The following ADAM22 variants were observed in gnomAD, a reference collection of about 807,000 sequenced individuals.
ADAM22 encodes disintegrin and metalloproteinase domain-containing protein 22.
ADAM22 carries 65 observed loss-of-function variants against 144.6 expected under a neutral mutation model. That is an observed-to-expected ratio of 0.45 (90% confidence interval 0.37 to 0.55). The LOEUF (loss-of-function observed/expected upper bound fraction) is 0.55, where lower values mean the gene tolerates loss of function less well. ADAM22 is among the 20% of genes least tolerant of loss of function. The pLI is 0.00. For synonymous variants in ADAM22, 391 were observed against 412.6 expected (o/e 0.95, Z 0.63); for missense variants, 974 against 1,184.9 (o/e 0.82, Z 2.61).
chr7:88,003,024 A>G (rs897979213), intron 3 of ADAM22, among the ~76,000 whole-genome samples: 2 of 152,258 alleles, frequency 1.3e-5, no homozygotes, highest in Non-Finnish European at 1.5e-5. Context: ...TGTGAAATGA[A>G]TTCTGTTTTT....
At chr7:88,022,788 T>C (rs1266054957) in intron 3 of ADAM22, among the ~76,000 whole-genome samples, 2 of 152,202 alleles carry the variant, frequency 1.3e-5, no homozygotes, top group Admixed American at 6.5e-5. Context: ...TACTCTGTCT[T>C]CTGGCCAAAT....
intron 3 of ADAM22, among the ~76,000 whole-genome samples, chr7:88,060,334 A>G (rs1464242518): frequency 6.6e-6 from 1 of 152,236 alleles, no homozygotes; most frequent in Non-Finnish European, 1.5e-5. Flanking sequence ...ATTTACGCAT[A>G]GCAGAACTTC....
chr7:88,113,703 A>AATAT (rs58099116), intron 5 of ADAM22, among the ~76,000 whole-genome samples: 797 of 48,066 alleles, frequency 0.017, 37 homozygotes, highest in Non-Finnish European at 0.02. Flanking sequence ...TAAATAAATA[A>AATAT]ATATATATAT....
chr7:88,083,867 A>G (rs1585568647), intron 4 of ADAM22, among the ~76,000 whole-genome samples: 1 of 152,158 alleles, frequency 6.6e-6, no homozygotes, highest in South Asian at 2.1e-4. Context: ...GACAGGATTC[A>G]TCTAGATATA....
intron 3 of ADAM22, among the ~76,000 whole-genome samples, chr7:88,055,197 A>G (rs553053089): frequency 1.5e-4 from 23 of 151,902 alleles, no homozygotes; most frequent in African/African-American, 5.6e-4. Flanking sequence ...GACCTGCCCA[A>G]GTTTGGAAAA....
intron 2 of ADAM22, among the ~76,000 whole-genome samples, chr7:87,936,839 A>ATG (rs1406936290): frequency 2.0e-5 from 3 of 149,470 alleles, no homozygotes; most frequent in African/African-American, 7.4e-5. Flanking sequence ...GAATGTTTAT[A>ATG]TGTGTGTGTA....
chr7:88,160,579 C>T (rs746860166), intron 22 of ADAM22, among the ~76,000 whole-genome samples: 3 of 151,980 alleles, frequency 2.0e-5, no homozygotes, highest in Non-Finnish European at 4.4e-5. Context: ...ATCTGATCTT[C>T]GATGAAGCTG....
intron 3 of ADAM22, among the ~76,000 whole-genome samples, chr7:88,027,640 G>A (rs1799303536): frequency 6.6e-6 from 1 of 151,526 alleles, no homozygotes. Context: ...TATCTTTTCA[G>A]AAAAAAACAC....
chr7:88,154,101 C>G (rs1839223393), intron 21 of ADAM22, among the ~76,000 whole-genome samples: 1 of 152,116 alleles, frequency 6.6e-6, no homozygotes, highest in Non-Finnish European at 1.5e-5. Context: ...GGCAGTCCTC[C>G]CATTTTATGG....
In ADAM22 at chr7:88,161,193, G is replaced by GAA. The variant is rs34723283; in HGVS notation, c.1908-1807_1908-1806dup. On this transcript the variant is annotated intron_variant, in intron 22 of 31. Coordinates refer to ENST00000413139, the MANE Select transcript of ADAM22 (RefSeq NM_001324418.2). ...TTCTCAAATAAATTCAACATATTTG[G>GAA]AAAAAAAAAAAAACAAGTAATGGGG... is the stretch of plus-strand genomic sequence containing the variant. Among the ~76,000 whole-genome samples, 262 of 136,942 alleles carry GAA rather than the reference G, an allele frequency of 1.9e-3. 1 individual carries two copies. Among genetic ancestry groups the GAA allele is most frequent in the East Asian group, 3.9e-3 (19 of 4,838 alleles). The allele number at this position is 136,942 out of a possible 152,430, so 89.8% of individuals were successfully genotyped here.
In ADAM22 at chr7:87,934,421, A is replaced by T. The variant is rs576741440; in HGVS notation, c.-45A>T. Reference sequence around the variant, plus strand: ...GGGAAACGGACTCGGCGGCGCCGGCATGAGGAGCTGAGCGTCTCGGGCGAG... The same window carrying T: ...GGGAAACGGACTCGGCGGCGCCGGCTTGAGGAGCTGAGCGTCTCGGGCGAG... On this transcript the variant is annotated 5_prime_UTR_variant, in exon 1 of 32. An upstream start codon of the reference 5' UTR is lost. Transcript: ENST00000413139. The T allele has an allele frequency of 5.6e-5, 87 of 1,549,854 alleles. No homozygotes were observed. In the African/African-American group the frequency reaches 1.1e-3, roughly 19 times the overall value.
At position 88,047,137 on chromosome 7, in the gene ADAM22, T is replaced by G. The variant is rs145022180; in HGVS notation, c.324-28489T>G. On this transcript the variant is annotated intron_variant, in intron 3 of 31. Transcript: ENST00000413139. The stretch of plus-strand genomic sequence containing the variant: ...ATAACTACCTTCCCAATTGGCTGTT[T>G]ATTTCTGTGATCTATGGATGCATTT... 3.1e-3 allele frequency among the ~76,000 whole-genome samples: 466 copies of G among 152,328 alleles called. 1 individual carries two copies. The highest frequency in any genetic ancestry group is 0.011 in the African/African-American group (449 of 41,576).
chr7:87,978,946 G>T (rs2129448865), intron 3 of ADAM22, among the ~76,000 whole-genome samples: 1 of 152,054 alleles, frequency 6.6e-6, no homozygotes, highest in South Asian at 2.1e-4. Context: ...AGAATTTTAG[G>T]TTTGGAAGGT....
At chr7:88,004,629 C>T (rs2129457699) in intron 3 of ADAM22, among the ~76,000 whole-genome samples, 1 of 152,248 alleles carries the variant, frequency 6.6e-6, no homozygotes, top group Middle Eastern at 3.4e-3. Context: ...AACTGAGATT[C>T]AGAAAGAGAC....
At chr7:87,956,742 T>C (rs559346402) in intron 2 of ADAM22, among the ~76,000 whole-genome samples, 1 of 152,358 alleles carries the variant, frequency 6.6e-6, no homozygotes, top group East Asian at 1.9e-4. Flanking sequence ...ATCATAATGT[T>C]TTCCAGTTTC....
At chr7:88,151,201 T>G in intron 19 of ADAM22, 56 bp from the exon 20 acceptor site, 1 of 1,602,076 alleles carries the variant, frequency 6.2e-7, no homozygotes, top group Non-Finnish European at 8.5e-7. Context: ...TCTTTTTCAG[T>G]TATCTGACAT....
At chr7:87,984,872 G>A (rs553715518) in intron 3 of ADAM22, among the ~76,000 whole-genome samples, 16 of 151,896 alleles carry the variant, frequency 1.1e-4, no homozygotes, top group Non-Finnish European at 2.1e-4. Flanking sequence ...GTGGAAACAG[G>A]GTTTCACCAT....
chr7:88,007,180 C>G (rs1390816641), intron 3 of ADAM22, among the ~76,000 whole-genome samples: 2 of 152,126 alleles, frequency 1.3e-5, no homozygotes, highest in Non-Finnish European at 2.9e-5. Flanking sequence ...ACTTAGGAAT[C>G]CAACTTACAA....
intron 22 of ADAM22, among the ~76,000 whole-genome samples, chr7:88,161,565 T>C (rs923614993): frequency 6.6e-6 from 1 of 152,110 alleles, no homozygotes; most frequent in Admixed American, 6.5e-5. Context: ...TTGTAAACTA[T>C]ACATTTGACA....
Sources: gnomAD v4.1 joint callset for allele counts (sites outside exome capture counted in the v4.1 genomes callset) on GRCh38, gnomAD v4.1.1 for gene constraint, MANE v1.5 for transcripts, NCBI Gene and HGNC (gene_info 2026-07-23, HGNC 2026-07-21) for gene names.